The following SPEF2 variants were observed in gnomAD, a reference collection of about 807,000 sequenced individuals.
SPEF2 encodes sperm flagella and cilia-associated protein 2.
In SPEF2, 187 loss-of-function variants were observed where a neutral mutation model predicts 224.6. The ratio of observed to expected loss-of-function variants is 0.83; its 90% CI spans 0.74 to 0.94. The LOEUF (loss-of-function observed/expected upper bound fraction) is 0.94, where lower values mean the gene tolerates loss of function less well. Among genes scored for constraint, SPEF2 ranks in the 40% least tolerant of loss-of-function variants. The pLI, the probability that SPEF2 is intolerant of heterozygous loss-of-function variation, is 0.00. For synonymous variants in SPEF2, 715 were observed against 707.3 expected, an observed-to-expected ratio of 1.01 and a Z score of -0.17; for missense variants, 2,170 against 2,135.6, an observed-to-expected ratio of 1.02 and a Z score of -0.32.
chr5:35,797,059 C>G (rs1479986664), intron 33 of SPEF2, among the ~76,000 whole-genome samples: 12 of 152,166 alleles, frequency 7.9e-5, no homozygotes, highest in Admixed American at 2.0e-4. Flanking sequence ...TTGGAAGCAA[C>G]TGGCAGTTTG....
chr5:35,763,144 C>T (rs1281670876), intron 25 of SPEF2, among the ~76,000 whole-genome samples: 3 of 152,134 alleles, frequency 2.0e-5, no homozygotes, highest in Non-Finnish European at 4.4e-5. Context: ...TGCCCAGTTT[C>T]GTTTGGTTTG....
In SPEF2 at chr5:35,667,254, A is replaced by C; in HGVS notation, c.1350A>C (p.Thr450=). The part of the protein sequence containing the change: ...STKVADYRML[T]NNLIPYKLMH... ...AAGTGGCAGACTATCGAATGTTGAC[A>C]AATAAGTAAGTATTTTTTTTGTAAT... The change falls in exon 9 of 37, where the codon ACA becomes ACC. Residue 450 remains threonine (T), a synonymous_variant. Coordinates refer to ENST00000356031, the MANE Select transcript of SPEF2 (RefSeq NM_024867.4). 6.3e-7 allele frequency: 1 copy of C among 1,594,586 alleles called. No individual in the cohort carries two copies. The highest frequency in any genetic ancestry group is 2.2e-5 in the East Asian group (1 of 44,452).
chr5:35,678,486 G>GT (rs1752331477), intron 10 of SPEF2: 1 of 152,234 alleles, frequency 6.6e-6, no homozygotes, highest in African/African-American at 2.4e-5. Flanking sequence ...GCAAATGTCA[G>GT]TGAAAAACAG....
chr5:35,749,888 A>G (rs1308395440), intron 23 of SPEF2, among the ~76,000 whole-genome samples: 1 of 152,172 alleles, frequency 6.6e-6, no homozygotes, highest in East Asian at 1.9e-4. Flanking sequence ...AAGAAACTAC[A>G]TTGCCAAAGC....
intron 2 of SPEF2, among the ~76,000 whole-genome samples, chr5:35,639,238 C>T (rs529859186): frequency 7.2e-5 from 11 of 152,236 alleles, no homozygotes; most frequent in African/African-American, 2.2e-4. Context: ...TCTCTCACCA[C>T]GAGTCATTGC....
At chr5:35,675,809 G>A (rs142404026) in intron 10 of SPEF2, 54 of 403,044 alleles carry the variant, frequency 1.3e-4, no homozygotes, top group African/African-American at 8.3e-4. Context: ...TTTCAAAGAG[G>A]GCTCTATTTG....
chr5:35,755,761 C>A (rs916730549), intron 24 of SPEF2, among the ~76,000 whole-genome samples: 1 of 152,106 alleles, frequency 6.6e-6, no homozygotes, highest in Non-Finnish European at 1.5e-5. Flanking sequence ...AGGCGCCCAC[C>A]ACCACGCCTG....
At chr5:35,814,398 TGTATA>T in intron 36 of SPEF2, 61 bp from the exon 37 acceptor site, 2 of 828,970 alleles carry the variant, frequency 2.4e-6, no homozygotes, top group South Asian at 4.6e-5. Context: ...TATTAGTATT[TGTATA>T]GTATAGTATT....
At chr5:35,797,786 A>G (rs1756890130) in intron 33 of SPEF2, among the ~76,000 whole-genome samples, 1 of 152,202 alleles carries the variant, frequency 6.6e-6, no homozygotes, top group South Asian at 2.1e-4. Flanking sequence ...AAGAAATACC[A>G]AATCGGAGAG....
At position 35,646,490 on chromosome 5, in the gene SPEF2, T is replaced by G. The variant is rs573803658; in HGVS notation, c.586-177T>G. ...TGTTTTAATATCATGCTTTTCACAGTAAGTCATATTAACACCTCCTTCTTA... is the reference window on the plus strand; with the variant it reads ...TGTTTTAATATCATGCTTTTCACAGGAAGTCATATTAACACCTCCTTCTTA... On this transcript the variant is annotated intron_variant, in intron 4 of 36. Transcript: ENST00000356031. 8.2e-6 allele frequency: 4 copies of G among 490,038 alleles called. No homozygotes were observed. In the South Asian group the frequency reaches 1.6e-4, roughly 20 times the overall value. 30.4% of individuals were successfully genotyped at this position (490,038 alleles called of 1,614,324 possible).
chr5:35,690,630 A>T (rs1051136061), intron 10 of SPEF2, among the ~76,000 whole-genome samples: 9 of 152,122 alleles, frequency 5.9e-5, no homozygotes, highest in Middle Eastern at 3.2e-3. Flanking sequence ...AGACTTAGAG[A>T]TGTTGAGCAT....
At chr5:35,704,744 G>C in intron 17 of SPEF2, 82 bp downstream of exon 17, 1 of 814,138 alleles carries the variant, frequency 1.2e-6, no homozygotes. Flanking sequence ...ATCAGATCTA[G>C]AAGAATATCT....
At chr5:35,705,557 GTCTTTTCATT>G in intron 17 of SPEF2, 84 bp from the exon 18 acceptor site, 1 of 853,780 alleles carries the variant, frequency 1.2e-6, no homozygotes, top group Non-Finnish European at 1.8e-6. Flanking sequence ...TTGGCAGCCT[GTCTTTTCATT>G]ACGCATGTCG....
Position 35,697,733 on chromosome 5 carries a change from T to G in SPEF2, c.2081T>G (p.Leu694Arg), listed in dbSNP as rs749949359. The G allele has an allele frequency of 3.1e-6, 5 of 1,613,532 alleles. No homozygotes were observed. The highest frequency in any genetic ancestry group is 4.2e-6 in the Non-Finnish European group (5 of 1,179,662). The change falls in exon 15 of 37, where the codon CTG becomes CGG. Residue 694 changes from leucine (L) to arginine (R), a missense_variant. By Grantham distance (102) the Leu-to-Arg change is moderately radical. Coordinates refer to ENST00000356031, the MANE Select transcript of SPEF2 (RefSeq NM_024867.4). ...AQLGAKSEQLLKKGKSIPDVL... is the reference protein window; with the variant it reads ...AQLGAKSEQLRKKGKSIPDVL... ...CTTGGTGCAAAATCAGAACAGTTGC[T>G]GAAGAAAGGAAAGAGCATTCCTGAT... is the stretch of plus-strand genomic sequence containing the variant.
intron 2 of SPEF2, among the ~76,000 whole-genome samples, chr5:35,633,254 T>C (rs1332580512): frequency 6.6e-6 from 1 of 152,134 alleles, no homozygotes; most frequent in East Asian, 1.9e-4. Flanking sequence ...ATTATTCTTG[T>C]TGAGTTGTCT....
At chr5:35,681,552 C>T (rs1046956056) in intron 10 of SPEF2, among the ~76,000 whole-genome samples, 8 of 151,950 alleles carry the variant, frequency 5.3e-5, no homozygotes, top group Admixed American at 2.0e-4. Context: ...TATTTGTTGT[C>T]CCAAAAGAGG....
At chr5:35,797,688 A>G (rs1365792955) in intron 33 of SPEF2, among the ~76,000 whole-genome samples, 2 of 152,194 alleles carry the variant, frequency 1.3e-5, no homozygotes, top group Admixed American at 1.3e-4. Context: ...AACAGTGGTT[A>G]ATGGTTAACC....
At chr5:35,696,175 G>A (rs1755288065) in intron 14 of SPEF2, among the ~76,000 whole-genome samples, 1 of 151,918 alleles carries the variant, frequency 6.6e-6, no homozygotes, top group Admixed American at 6.6e-5. Flanking sequence ...TTCAGAATTT[G>A]TTTATTAATT....
Position 35,779,178 on chromosome 5 carries a change from G to A in SPEF2, c.4279G>A (p.Glu1427Lys). 1 of 1,613,720 alleles carries A rather than the reference G, an allele frequency of 6.2e-7. No individual in the cohort carries two copies. The highest frequency in any genetic ancestry group is 8.5e-7 in the Non-Finnish European group (1 of 1,179,848). Residue 1427 changes from glutamate (E) to lysine (K), a missense_variant, in exon 30 of 37, where the codon GAA (glutamate) becomes AAA (lysine). Coordinates refer to ENST00000356031, the MANE Select transcript of SPEF2 (RefSeq NM_024867.4). ...HIETSTKIQNELYLSQEDFFI... is the reference protein window; with the variant it reads ...HIETSTKIQNKLYLSQEDFFI... Reference sequence around the variant, plus strand: ...TGAAACATCTACAAAAATTCAGAATGAACTTTATTTAAGCCAAGAAGACTT... The same window carrying A: ...TGAAACATCTACAAAAATTCAGAATAAACTTTATTTAAGCCAAGAAGACTT...
Sources: allele counts gnomAD v4.1 joint callset (sites outside exome capture counted in the v4.1 genomes callset), GRCh38; gene constraint gnomAD v4.1.1; transcripts MANE v1.5; gene names NCBI Gene and HGNC (gene_info 2026-07-23, HGNC 2026-07-21).